The following GNB1 variants were observed in gnomAD, a reference collection of about 807,000 sequenced individuals.
GNB1 encodes the protein G protein subunit beta 1.
In GNB1, 2 loss-of-function variants were observed where a neutral mutation model predicts 42.9. The observed-to-expected ratio is 0.05, with a 90% confidence interval of 0.02 to 0.15. GNB1 has a LOEUF of 0.15. Among genes scored for constraint, GNB1 ranks in the 10% least tolerant of loss-of-function variants. GNB1 has a pLI of 1.00. For missense variants in GNB1, 193 were observed against 462.2 expected (o/e 0.42, Z 5.34); for synonymous variants, 183 against 174.7 (o/e 1.05, Z -0.38).
intron 2 of GNB1, among the ~76,000 whole-genome samples, chr1:1,827,552 T>G (rs958770635): frequency 6.6e-6 from 1 of 152,226 alleles, no homozygotes; most frequent in African/African-American, 2.4e-5. Flanking sequence ...TGGTTAATTC[T>G]TTCCCTGGTT....
At chr1:1,888,573 C>A (rs1246741076) in intron 1 of GNB1, among the ~76,000 whole-genome samples, 2 of 152,126 alleles carry the variant, frequency 1.3e-5, no homozygotes, top group African/African-American at 4.8e-5. Flanking sequence ...CGCGGTGGCT[C>A]ACGCTCGTAA....
At chr1:1,877,362 G>A (rs1205788235) in intron 1 of GNB1, among the ~76,000 whole-genome samples, 4 of 149,620 alleles carry the variant, frequency 2.7e-5, no homozygotes, top group East Asian at 3.9e-4. Context: ...CCCCCAATCC[G>A]AGGAAAAACA....
At chr1:1,821,964 G>A (rs1049054772) in intron 3 of GNB1, among the ~76,000 whole-genome samples, 1 of 152,102 alleles carries the variant, frequency 6.6e-6, no homozygotes, top group African/African-American at 2.4e-5. Flanking sequence ...GGTGGACTCT[G>A]TCTCTACAAA....
Position 1,804,663 on chromosome 1 carries a change from T to G in GNB1, c.268-82A>C, listed in dbSNP as rs564348859. The G allele has an allele frequency of 6.4e-5, 69 of 1,085,672 alleles. No individual in the cohort carries two copies. The African/African-American group carries it at 9.5e-4, about 15-fold the overall frequency. The allele number at this position is 1,085,672 out of a possible 1,614,324, so 67.3% of individuals were successfully genotyped here. The stretch of plus-strand genomic sequence containing the variant: ...ACCAGGATTTTCTCATCTCCAACTT[T>G]CACTGCAAAGGAGGTAACAGAACAA... On this transcript the variant is annotated intron_variant, in intron 6 of 11. Coordinates refer to ENST00000378609, the MANE Select transcript of GNB1 (RefSeq NM_002074.5).
chr1:1,805,736 T>A (rs2100716831), intron 6 of GNB1, among the ~76,000 whole-genome samples: 1 of 152,108 alleles, frequency 6.6e-6, no homozygotes, highest in African/African-American at 2.4e-5. Context: ...GAGACGAGGT[T>A]TCACCATGTT....
intron 5 of GNB1, 104 bp downstream of exon 5, chr1:1,815,652 T>C (rs1042932256): frequency 3.1e-6 from 2 of 648,030 alleles, no homozygotes; most frequent in Admixed American, 5.5e-5. Context: ...CTTCCTAATT[T>C]CTTCACTGCA....
intron 5 of GNB1, among the ~76,000 whole-genome samples, chr1:1,811,869 T>C (rs1025734730): frequency 6.7e-6 from 1 of 150,348 alleles, no homozygotes; most frequent in Admixed American, 6.7e-5. Context: ...ATCGAGACCA[T>C]CCTGGCTAAC....
intron 1 of GNB1, among the ~76,000 whole-genome samples, chr1:1,860,051 T>C (rs904683388): frequency 2.0e-5 from 3 of 151,206 alleles, no homozygotes; most frequent in Admixed American, 2.0e-4. Context: ...GAACTTAAAG[T>C]ATAATAAAAA....
At position 1,848,630 on chromosome 1, in the gene GNB1, G is replaced by A. The variant is rs114338021; in HGVS notation, c.-95-9392C>T. On this transcript the variant is annotated intron_variant, in intron 1 of 11. Coordinates refer to ENST00000378609, the MANE Select transcript of GNB1 (RefSeq NM_002074.5). ...TATGATTTTCTTAATATTTTCTCTAGCTTGATCACAAAAATATATAATATA... is the reference window on the plus strand; with the variant it reads ...TATGATTTTCTTAATATTTTCTCTAACTTGATCACAAAAATATATAATATA... Among the ~76,000 whole-genome samples the A allele has an allele frequency of 7.2e-3, 1,088 of 152,104 alleles. 16 individuals carry two copies. Among genetic ancestry groups the A allele is most frequent in the African/African-American group, 0.025 (1,035 of 41,466 alleles).
At chr1:1,866,469 C>T (rs1648947516) in intron 1 of GNB1, among the ~76,000 whole-genome samples, 1 of 152,154 alleles carries the variant, frequency 6.6e-6, no homozygotes, top group African/African-American at 2.4e-5. Context: ...ATCTTTTTAA[C>T]AACTGCACAG....
At chr1:1,807,470 A>G in intron 5 of GNB1, among the ~76,000 whole-genome samples, 1 of 104,278 alleles carries the variant, frequency 9.6e-6, no homozygotes, top group Non-Finnish European at 2.2e-5. Context: ...ACTGAAAAAA[A>G]AAAAAAAAAA....
intron 5 of GNB1, among the ~76,000 whole-genome samples, chr1:1,807,481 A>C (rs1334190566): frequency 2.7e-5 from 4 of 149,388 alleles, no homozygotes; most frequent in Admixed American, 1.3e-4. Flanking sequence ...AAAAAAAAAA[A>C]AAAAAAAAAA....
intron 5 of GNB1, among the ~76,000 whole-genome samples, chr1:1,811,469 C>T (rs1385059840): frequency 5.3e-5 from 8 of 151,916 alleles, no homozygotes; most frequent in East Asian, 2.0e-4. Context: ...CCGAGGCGAG[C>T]GGATCACGAG....
At chr1:1,851,516 TG>T in intron 1 of GNB1, among the ~76,000 whole-genome samples, 1 of 151,336 alleles carries the variant, frequency 6.6e-6, no homozygotes, top group South Asian at 2.1e-4. Flanking sequence ...GGGATACCAC[TG>T]CACTCCAGCC....
At chr1:1,859,940 T>C (rs1570727190) in intron 1 of GNB1, among the ~76,000 whole-genome samples, 3 of 152,104 alleles carry the variant, frequency 2.0e-5, no homozygotes, top group Non-Finnish European at 4.4e-5. Context: ...TTAGGAGATA[T>C]ACTTAATGTA....
At chr1:1,848,539 AGAAG>A (rs1233166565) in intron 1 of GNB1, among the ~76,000 whole-genome samples, 6 of 152,176 alleles carry the variant, frequency 3.9e-5, no homozygotes, top group Admixed American at 2.0e-4. Context: ...CCTGAAAATG[AGAAG>A]GAAGACCTTT....
chr1:1,888,304 G>A lies in GNB1; in HGVS notation c.-96+2516C>T, dbSNP rs112358112. Among the ~76,000 whole-genome samples the A allele has an allele frequency of 1.7e-4, 26 of 151,040 alleles. No homozygotes were observed. In the East Asian group the frequency reaches 3.1e-3, roughly 18 times the overall value. ...TCCTCACACTGGGCCTGGGCAGTGC[G>A]CACTTAACTGGGAGGGGGCACAGGC... On this transcript the variant is annotated intron_variant, in intron 1 of 11. Transcript: ENST00000378609.
intron 1 of GNB1, among the ~76,000 whole-genome samples, chr1:1,883,603 G>C (rs1649978825): frequency 6.6e-6 from 1 of 152,188 alleles, no homozygotes; most frequent in Admixed American, 6.5e-5. Flanking sequence ...TCCTCACAAT[G>C]ACCCCATGAA....
intron 3 of GNB1, among the ~76,000 whole-genome samples, chr1:1,819,104 G>A (rs1646896195): frequency 6.6e-6 from 1 of 152,022 alleles, no homozygotes; most frequent in African/African-American, 2.4e-5. Flanking sequence ...AATAGACCTG[G>A]AAATCTCAAA....
Sources: allele counts gnomAD v4.1 joint callset (sites outside exome capture counted in the v4.1 genomes callset), GRCh38; gene constraint gnomAD v4.1.1; transcripts MANE v1.5; gene names NCBI Gene and HGNC (gene_info 2026-07-23, HGNC 2026-07-21).